CAPN2: variants seen among roughly 807,000 people sequenced by gnomAD.
CAPN2 encodes calpain 2, also known as calpain-2 catalytic subunit.
CAPN2 carries 92 observed loss-of-function variants against 102.3 expected under a neutral mutation model. The ratio of observed to expected loss-of-function variants is 0.90; its 90% confidence interval spans 0.76 to 1.07. The LOEUF (loss-of-function observed/expected upper bound fraction) is 1.07. Ranked by LOEUF, CAPN2 falls within the 50% of genes least tolerant of loss-of-function variation. CAPN2 has a pLI of 0.00. For missense variants in CAPN2, 800 were observed against 909.4 expected (o/e 0.88, Z 1.55); for synonymous variants, 340 against 355.4 (o/e 0.96, Z 0.49).
At chr1:223,762,116 G>T in intron 13 of CAPN2, 70 bp from the exon 14 acceptor site, 1 of 1,362,594 alleles carries the variant, frequency 7.3e-7, no homozygotes. Context: ...GGCTGCCATG[G>T]AAGGGCGGGC....
chr1:223,729,541 A>T (rs1660278190), intron 2 of CAPN2, among the ~76,000 whole-genome samples: 1 of 152,198 alleles, frequency 6.6e-6, no homozygotes, highest in Admixed American at 6.5e-5. Context: ...GCTTGGTTTT[A>T]TACATTTTAG....
At chr1:223,702,293 G>C (rs967290201) in intron 1 of CAPN2, among the ~76,000 whole-genome samples, 1 of 152,004 alleles carries the variant, frequency 6.6e-6, no homozygotes, top group African/African-American at 2.4e-5. Context: ...GGGCCGTAAT[G>C]GTGCACACCT....
At chr1:223,773,787 T>C (rs949382581) in intron 20 of CAPN2, among the ~76,000 whole-genome samples, 16 of 151,320 alleles carry the variant, frequency 1.1e-4, no homozygotes, top group Non-Finnish European at 2.2e-4. Context: ...ACCTAGGAGG[T>C]AGAGGTTGCA....
At chr1:223,768,586 G>C (rs1029816773) in intron 16 of CAPN2, among the ~76,000 whole-genome samples, 1 of 151,954 alleles carries the variant, frequency 6.6e-6, no homozygotes, top group African/African-American at 2.4e-5. Context: ...TTTGGTTACT[G>C]TAGCCTTGTA....
chr1:223,768,554 T>G (rs1661394519), intron 16 of CAPN2, among the ~76,000 whole-genome samples: 1 of 152,190 alleles, frequency 6.6e-6, no homozygotes, highest in African/African-American at 2.4e-5. Flanking sequence ...CTATATCTGT[T>G]TTGGTACCAG....
intron 2 of CAPN2, among the ~76,000 whole-genome samples, chr1:223,739,107 CA>C: frequency 6.6e-6 from 1 of 151,750 alleles, no homozygotes; most frequent in South Asian, 2.1e-4. Context: ...GTTCCCAAGA[CA>C]ATAGTTTCTG....
intron 1 of CAPN2, among the ~76,000 whole-genome samples, chr1:223,706,911 C>T (rs978987228): frequency 3.9e-5 from 6 of 151,982 alleles, no homozygotes; most frequent in African/African-American, 1.5e-4. Context: ...GAAACCCCGT[C>T]TCTATTAAAA....
chr1:223,703,096 T>G (rs1659523667), intron 1 of CAPN2, among the ~76,000 whole-genome samples: 1 of 152,168 alleles, frequency 6.6e-6, no homozygotes, highest in East Asian at 1.9e-4. Context: ...CCCCATTTGC[T>G]CTGCAAACCA....
intron 2 of CAPN2, among the ~76,000 whole-genome samples, chr1:223,732,120 G>C (rs555514748): frequency 7.2e-5 from 11 of 152,232 alleles, no homozygotes; most frequent in South Asian, 4.2e-4. Context: ...GTCACGGTGT[G>C]GGGGTGGAGA....
intron 11 of CAPN2, chr1:223,757,707 G>A (rs931898508): frequency 4.8e-6 from 2 of 418,164 alleles, no homozygotes; most frequent in African/African-American, 4.0e-5. Flanking sequence ...ACTCTTAGGA[G>A]AAGACTGAGT....
intron 20 of CAPN2, chr1:223,772,471 CT>C: frequency 2.0e-6 from 1 of 507,454 alleles, no homozygotes; most frequent in Non-Finnish European, 3.5e-6. Context: ...TTCTCATGAG[CT>C]TTGACTTGAG....
chr1:223,759,064 TTTG>T lies in CAPN2; in HGVS notation c.1318-195_1318-193del, dbSNP rs1661116733. On this transcript the variant is annotated intron_variant, in intron 11 of 20. Coordinates refer to ENST00000295006, the MANE Select transcript of CAPN2 (RefSeq NM_001748.5). This position sits in a 1 kb window ranked among gnomAD's most constrained non-coding sequence, Gnocchi z 4.6. Reference sequence around the variant, plus strand: ...TATTTTTTTAAAAAAATTTTGTTGTTTTGTTGTTGTTGTCGTCGTTATATAGAT... The same window carrying T: ...TATTTTTTTAAAAAAATTTTGTTGTTTTGTTGTTGTCGTCGTTATATAGAT... 8 of 595,104 alleles carry T rather than the reference TTTG, an allele frequency of 1.3e-5. No individual in the cohort carries two copies. The highest frequency in any genetic ancestry group is 3.0e-5 in the Admixed American group (1 of 33,776). 36.9% of individuals were successfully genotyped at this position (595,104 alleles called of 1,614,324 possible). A position where few individuals can be genotyped will look rare whatever the true frequency, so the allele number is the denominator to read the frequency against.
chr1:223,747,181 C>T lies in CAPN2; in HGVS notation c.729+16C>T, dbSNP rs1660770701. 6.3e-7 allele frequency: 1 copy of T among 1,598,986 alleles called. No individual in the cohort carries two copies. The highest frequency in any genetic ancestry group is 8.5e-7 in the Non-Finnish European group (1 of 1,170,218). ...CTCCATCGACGTAAGTCCAGGCTGC[C>T]TTCCCTAGCCTCACCCCATCTGCTC... On this transcript the variant is annotated intron_variant, in intron 5 of 20. Transcript: ENST00000295006.
chr1:223,757,338 G>A lies in CAPN2; in HGVS notation c.1306-31G>A, dbSNP rs369563485. The A allele has an allele frequency of 1.3e-5, 21 of 1,613,856 alleles. No individual in the cohort carries two copies. In the African/African-American group the frequency reaches 2.1e-4, roughly 16 times the overall value. ...TGCATTTTCTTACACTGCTTTTCCG[G>A]CATCTGAATTGCATCTCCTTTATTT... On this transcript the variant is annotated intron_variant, in intron 10 of 20. Transcript: ENST00000295006.
chr1:223,754,426 G>A lies in CAPN2; in HGVS notation c.1136-1054G>A, dbSNP rs1183176787. ...GATAGTAAATAATTTTGGCTTTGTG[G>A]GCCACTCAGTCTCTATAACAACAAC... On this transcript the variant is annotated intron_variant, in intron 9 of 20. Transcript: ENST00000295006. The surrounding 1 kb of genome is among the most constrained non-coding windows in gnomAD (Gnocchi z 4.7). Among the ~76,000 whole-genome samples, 2 of 152,110 alleles carry A rather than the reference G, an allele frequency of 1.3e-5. No homozygotes were observed.
At chr1:223,709,950 A>G (rs1197598804), upstream of CAPN2, among the ~76,000 whole-genome samples, 1 of 152,194 alleles carries the variant, frequency 6.6e-6, no homozygotes, top group Non-Finnish European at 1.5e-5. Flanking sequence ...TGCTACAGTT[A>G]TATACAACTT....
At chr1:223,736,169 A>G (rs1660452465) in intron 2 of CAPN2, among the ~76,000 whole-genome samples, 1 of 152,072 alleles carries the variant, frequency 6.6e-6, no homozygotes, top group Non-Finnish European at 1.5e-5. Flanking sequence ...CGCCTCTGGG[A>G]TTGTTTGCTG....
chr1:223,764,541 C>T (rs1247156145), intron 15 of CAPN2, among the ~76,000 whole-genome samples: 1 of 152,186 alleles, frequency 6.6e-6, no homozygotes, highest in Non-Finnish European at 1.5e-5. Flanking sequence ...GCAATCTCTA[C>T]CTCCCAAATT....
rs1046442424 is a variant in CAPN2, at chr1:223,755,250, CCCA to C, written c.1136-226_1136-224del. 7.2e-4 allele frequency among the ~76,000 whole-genome samples: 110 copies of C among 152,094 alleles called. No individual in the cohort carries two copies. Among genetic ancestry groups the C allele is most frequent in the African/African-American group, 2.6e-3 (107 of 41,502 alleles). ...AGCCTCCCACCGCCTCTTGCCAACT[CCCA>C]CCATCTCCCGCCATTTTCTGACATC... is the stretch of plus-strand genomic sequence containing the variant. On this transcript the variant is annotated intron_variant, in intron 9 of 20. Transcript: ENST00000295006. The surrounding 1 kb of genome is among the most constrained non-coding windows in gnomAD (Gnocchi z 4.1).
Sources: gnomAD v4.1 joint callset for allele counts (sites outside exome capture counted in the v4.1 genomes callset) on GRCh38, gnomAD v4.1.1 for gene constraint, Gnocchi (gnomAD v3.1) non-coding constraint, MANE v1.5 for transcripts, NCBI Gene and HGNC (gene_info 2026-07-23, HGNC 2026-07-21) for gene names.